ATP9B: variants seen among roughly 807,000 people sequenced by gnomAD.
ATP9B encodes the protein probable phospholipid-transporting ATPase IIB.
Under a neutral mutation model 146.1 loss-of-function variants are expected in ATP9B, and 110 were observed. The ratio of observed to expected loss-of-function variants is 0.75; its 90% confidence interval spans 0.65 to 0.88. The LOEUF is 0.88. ATP9B is among the 40% of genes least tolerant of loss of function. The probability of loss-of-function intolerance (pLI) is 0.00; values close to 1 mark genes in which losing one functional copy is unlikely to be tolerated. For synonymous variants in ATP9B, 604 were observed against 569.7 expected (o/e 1.06, Z -0.86); for missense variants, 1,499 against 1,496.4 (o/e 1.00, Z -0.03).
chr18:79,124,331 G>A (rs975595024), intron 4 of ATP9B, among the ~76,000 whole-genome samples: 6 of 152,200 alleles, frequency 3.9e-5, no homozygotes, highest in Admixed American at 1.3e-4. Context: ...TAATTTTATG[G>A]CATGTGAATT....
At chr18:79,271,296 G>C (rs560422646) in intron 12 of ATP9B, among the ~76,000 whole-genome samples, 169 of 152,134 alleles carry the variant, frequency 1.1e-3, no homozygotes, top group South Asian at 2.3e-3. Context: ...GTGCAGGTTT[G>C]TTACATATGT....
intron 25 of ATP9B, among the ~76,000 whole-genome samples, chr18:79,355,471 G>A (rs1446485997): frequency 6.6e-6 from 1 of 152,170 alleles, no homozygotes; most frequent in Non-Finnish European, 1.5e-5. Context: ...AAAAAATGCC[G>A]TGACTGGGCT....
chr18:79,116,922 T>TAA (rs781553384), intron 4 of ATP9B, among the ~76,000 whole-genome samples: 10 of 59,816 alleles, frequency 1.7e-4, no homozygotes, highest in Admixed American at 5.6e-4. Context: ...TAGAGTATAA[T>TAA]AAAAAAAAAA....
At chr18:79,260,126 T>C (rs1438763115) in intron 12 of ATP9B, among the ~76,000 whole-genome samples, 1 of 152,202 alleles carries the variant, frequency 6.6e-6, no homozygotes, top group Non-Finnish European at 1.5e-5. Context: ...GAAGATACTA[T>C]ACTAGACTGG....
At chr18:79,318,768 C>T (rs1485559137) in intron 15 of ATP9B, among the ~76,000 whole-genome samples, 1 of 152,152 alleles carries the variant, frequency 6.6e-6, no homozygotes, top group Non-Finnish European at 1.5e-5. Context: ...GGTTATTTTA[C>T]AACAGTGGTT....
chr18:79,176,895 G>T lies in ATP9B; in HGVS notation c.861G>T (p.Leu287=). 1 of 1,613,958 alleles carries T rather than the reference G, an allele frequency of 6.2e-7. No individual in the cohort carries two copies. The highest frequency in any genetic ancestry group is 1.1e-5 in the South Asian group (1 of 91,052). Residue 287 remains leucine, a synonymous_variant, in exon 8 of 30, where the codon CTG becomes CTT. Transcript: ENST00000426216. ...TGGCAGTGAGCTGCACGCAACAGCT[G>T]CCGGCTCTGGGGGTGAGCAGCACCA... ...LKVAVSCTQQ[L]PALGDLFSIS...
intron 15 of ATP9B, among the ~76,000 whole-genome samples, chr18:79,324,987 G>T (rs941718926): frequency 6.6e-6 from 1 of 152,228 alleles, no homozygotes; most frequent in Admixed American, 6.5e-5. Flanking sequence ...GAGTAAACCA[G>T]TGGGGCTGGA....
Position 79,245,525 on chromosome 18 carries a change from T to TAGGAGGGCACCACCCTACTGACTG in ATP9B, c.1108-7844_1108-7821dup, listed in dbSNP as rs1257148229. Among the ~76,000 whole-genome samples, 564 of 130,408 alleles carry TAGGAGGGCACCACCCTACTGACTG rather than the reference T, an allele frequency of 4.3e-3. 6 individuals are homozygous for TAGGAGGGCACCACCCTACTGACTG. Among genetic ancestry groups the TAGGAGGGCACCACCCTACTGACTG allele is most frequent in the African/African-American group, 0.016 (509 of 32,438 alleles). The allele number at this position is 130,408 out of a possible 152,430, so 85.6% of individuals were successfully genotyped here. A position where few individuals can be genotyped will look rare whatever the true frequency, so the allele number is the denominator to read the frequency against. On this transcript the variant is annotated intron_variant, in intron 11 of 29. Coordinates refer to ENST00000426216, the MANE Select transcript of ATP9B (RefSeq NM_198531.5). ...TTAGCTCTGAAACTTCGAAAAGCCTTAGGAGGGCACCACCCTACTGACTGA... is the reference window on the plus strand; with the variant it reads ...TTAGCTCTGAAACTTCGAAAAGCCTTAGGAGGGCACCACCCTACTGACTGAGGAGGGCACCACCCTACTGACTGA...
rs1185456332 is a variant in ATP9B, at chr18:79,253,513, C to G, written c.1240C>G (p.Leu414Val). 3 of 1,602,376 alleles carry G rather than the reference C, an allele frequency of 1.9e-6. No individual in the cohort carries two copies. In the South Asian group the frequency reaches 3.4e-5, roughly 18 times the overall value. ...PWYRNLFRFLLLFSYIIPISL... is the reference protein window; with the variant it reads ...PWYRNLFRFLVLFSYIIPISL... Reference sequence around the variant, plus strand: ...GTACCGCAATCTTTTTCGGTTCCTTCTCCTCTTTTCTTACATCATTCCCAT... The same window carrying G: ...GTACCGCAATCTTTTTCGGTTCCTTGTCCTCTTTTCTTACATCATTCCCAT... The change falls in exon 12 of 30, where the codon CTC becomes GTC. Residue 414 changes from leucine (L) to valine (V), a missense_variant. Leu to Val is a conservative substitution (Grantham distance 32). Coordinates refer to ENST00000426216, the MANE Select transcript of ATP9B (RefSeq NM_198531.5).
At position 79,211,948 on chromosome 18, in the gene ATP9B, A is replaced by T. The variant is rs142103659; in HGVS notation, c.1031-2014A>T. Among the ~76,000 whole-genome samples the T allele has an allele frequency of 1.4e-3, 219 of 152,276 alleles. 2 individuals are homozygous for T. The highest frequency in any genetic ancestry group is 5.1e-3 in the African/African-American group (210 of 41,560). Reference sequence around the variant, plus strand: ...TCATTGAGTGAGAAATCTTTGTGACATTTATATTTGTCACATTCAGTCTCC... The same window carrying T: ...TCATTGAGTGAGAAATCTTTGTGACTTTTATATTTGTCACATTCAGTCTCC... On this transcript the variant is annotated intron_variant, in intron 10 of 29. Coordinates refer to ENST00000426216, the MANE Select transcript of ATP9B (RefSeq NM_198531.5).
chr18:79,124,580 C>G (rs1318007827), intron 4 of ATP9B, among the ~76,000 whole-genome samples: 1 of 152,214 alleles, frequency 6.6e-6, no homozygotes, highest in Non-Finnish European at 1.5e-5. Flanking sequence ...CTTCCAACAA[C>G]CCCTGGGAAT....
intron 9 of ATP9B, among the ~76,000 whole-genome samples, chr18:79,203,918 T>TA (rs2095511544): frequency 6.6e-6 from 1 of 152,238 alleles, no homozygotes; most frequent in African/African-American, 2.4e-5. Flanking sequence ...TAAGCTGAGT[T>TA]AGACTGTAAC....
intron 9 of ATP9B, among the ~76,000 whole-genome samples, chr18:79,203,762 C>T (rs1483807997): frequency 1.3e-5 from 2 of 152,160 alleles, no homozygotes; most frequent in African/African-American, 4.8e-5. Context: ...ATTGGCTGTG[C>T]CAACGCTGGA....
intron 11 of ATP9B, among the ~76,000 whole-genome samples, chr18:79,224,184 T>G (rs567161364): frequency 2.8e-4 from 42 of 152,348 alleles, no homozygotes; most frequent in Admixed American, 7.2e-4. Context: ...AGCAAGTATT[T>G]TCATAATTGT....
intron 5 of ATP9B, among the ~76,000 whole-genome samples, chr18:79,136,246 C>T (rs2094446369): frequency 6.6e-6 from 1 of 152,144 alleles, no homozygotes; most frequent in South Asian, 2.1e-4. Flanking sequence ...TCTGTAAATC[C>T]ATTTGGCAGA....
chr18:79,170,153 G>A (rs1222881061), intron 7 of ATP9B, among the ~76,000 whole-genome samples: 1 of 152,222 alleles, frequency 6.6e-6, no homozygotes, highest in Non-Finnish European at 1.5e-5. Context: ...GGGAGGAGCT[G>A]CAGCCGGCCG....
intron 23 of ATP9B, among the ~76,000 whole-genome samples, chr18:79,346,475 G>C (rs888385177): frequency 7.7e-6 from 1 of 130,602 alleles, no homozygotes; most frequent in Non-Finnish European, 1.6e-5. Context: ...CACACATTTA[G>C]CACACTACAT....
intron 7 of ATP9B, among the ~76,000 whole-genome samples, chr18:79,159,771 T>C (rs1241588941): frequency 6.6e-6 from 1 of 152,194 alleles, no homozygotes; most frequent in Non-Finnish European, 1.5e-5. Flanking sequence ...AATGAGATGT[T>C]TTTCGTCATG....
At chr18:79,334,442 G>A (rs1178210314) in intron 17 of ATP9B, among the ~76,000 whole-genome samples, 2 of 151,976 alleles carry the variant, frequency 1.3e-5, no homozygotes, top group Non-Finnish European at 2.9e-5. Flanking sequence ...TTTTTTTAAT[G>A]TACTTTTTAT....
Sources: allele counts gnomAD v4.1 joint callset (sites outside exome capture counted in the v4.1 genomes callset), GRCh38; gene constraint gnomAD v4.1.1; transcripts MANE v1.5; gene names NCBI Gene and HGNC (gene_info 2026-07-23, HGNC 2026-07-21).